RREB1: variants seen among roughly 807,000 people sequenced by gnomAD.
RREB1 encodes ras-responsive element-binding protein 1.
Under a neutral mutation model 117.8 loss-of-function variants are expected in RREB1, and 27 were observed. That is an observed-to-expected ratio of 0.23 (90% CI 0.17 to 0.32). RREB1 has a LOEUF of 0.32. RREB1 is among the 10% of genes least tolerant of loss of function. RREB1 has a pLI of 1.00. For synonymous variants in RREB1, 1,298 were observed against 1,026.7 expected, an observed-to-expected ratio of 1.26 and a Z score of -5.05; for missense variants, 2,577 against 2,378.2, an observed-to-expected ratio of 1.08 and a Z score of -1.74.
At position 7,227,552 on chromosome 6, in the gene RREB1, ATT is replaced by A. The variant is rs397936470; in HGVS notation, c.897+905_897+906del. Among the ~76,000 whole-genome samples the A allele has an allele frequency of 1.3e-3, 189 of 151,058 alleles. 2 individuals carry two copies. The highest frequency in any genetic ancestry group is 4.1e-3 in the African/African-American group (170 of 41,044). ...CGAGACTCCGTCTAAGAAAAAAAAA[ATT>A]TTTTTTTTAAATAAAATAAAAGTGG... is the stretch of plus-strand genomic sequence containing the variant. On this transcript the variant is annotated intron_variant, in intron 9 of 12. Transcript: ENST00000379938.
chr6:7,246,574 C>A lies in RREB1; in HGVS notation c.4124C>A (p.Ser1375Ter). Residue 1375 changes from serine (S) to a stop codon, truncating the protein, a stop_gained, in exon 12 of 13, where the codon TCG becomes TAG. Transcript: ENST00000379938. LOFTEE classifies it high-confidence loss of function. Reference sequence around the variant, plus strand: ...GAGCAGGCCACGGCGGAAACGGCCTCGCCGGTGCACCGGGAAGAGCACGGG... The same window carrying A: ...GAGCAGGCCACGGCGGAAACGGCCTAGCCGGTGCACCGGGAAGAGCACGGG... ...PVEQATAETA[S>*]PVHREEHGRG... is the part of the protein sequence containing the mutation. The A allele has an allele frequency of 6.5e-7, 1 of 1,550,358 alleles. No homozygotes were observed. The highest frequency in any genetic ancestry group is 8.7e-7 in the Non-Finnish European group (1 of 1,147,320).
intron 12 of RREB1, 127 bp from the exon 13 acceptor site, chr6:7,248,383 TG>T: frequency 1.4e-6 from 1 of 738,964 alleles, no homozygotes; most frequent in Non-Finnish European, 2.2e-6. Flanking sequence ...AAGAGGCCTC[TG>T]GCTGAGTAGG....
chr6:7,154,780 G>A (rs535024238), intron 1 of RREB1, among the ~76,000 whole-genome samples: 75 of 152,102 alleles, frequency 4.9e-4, no homozygotes, highest in Non-Finnish European at 5.7e-4. Flanking sequence ...TCATCTTTGG[G>A]TGGTTACCCA....
At position 7,221,046 on chromosome 6, in the gene RREB1, C is replaced by T. The variant is rs548395234; in HGVS notation, c.708-5421C>T. On this transcript the variant is annotated intron_variant, in intron 8 of 12. Transcript: ENST00000379938. ...TGGGGCCTTGGGAAGGCTGGATGAA[C>T]CCTCGCGTCTCCACCTGATAGGGCT... Among the ~76,000 whole-genome samples, 9 of 152,250 alleles carry T rather than the reference C, an allele frequency of 5.9e-5. No homozygotes were observed. The South Asian group carries it at 1.9e-3, about 32-fold the overall frequency.
intron 9 of RREB1, 105 bp downstream of exon 9, chr6:7,226,761 G>T (rs1346684016): frequency 2.2e-6 from 2 of 901,498 alleles, no homozygotes; most frequent in East Asian, 2.5e-5. Context: ...TTAAAATGTC[G>T]GTTGGGCTTT....
chr6:7,230,279 G>A lies in RREB1; in HGVS notation c.2180G>A (p.Arg727His), dbSNP rs200263205. 2 of 1,597,134 alleles carry A rather than the reference G, an allele frequency of 1.3e-6. No homozygotes were observed. Among genetic ancestry groups the A allele is most frequent in the Non-Finnish European group, 1.7e-6 (2 of 1,177,830 alleles). The change falls in exon 10 of 13, where the codon CGC (arginine) becomes CAC (histidine). Residue 727 changes from arginine (R) to histidine (H), a missense_variant. Arg to His is a conservative substitution (Grantham distance 29). Transcript: ENST00000379938. Reference protein sequence around the residue: ...HLRKKHLKATRKDIEKNIEYV... With the variant: ...HLRKKHLKATHKDIEKNIEYV... ...CGCAAGAAGCACCTCAAGGCCACCC[G>A]CAAGGATATCGAGAAGAACATCGAG...
rs1365948416 is a variant in RREB1, at chr6:7,230,178, C to T, written c.2079C>T (p.His693=). The change falls in exon 10 of 13, where the codon CAC becomes CAT. Residue 693 remains histidine (H), a synonymous_variant. Transcript: ENST00000379938. ...CGCTCATCCGCCACCTGCGCACGCA[C>T]AGTGGGGAGCGGCCCTACATTTGCA... The part of the protein sequence containing the change: ...KAALIRHLRT[H]SGERPYICKI... 1.2e-6 allele frequency: 2 copies of T among 1,606,862 alleles called. No homozygotes were observed. Among genetic ancestry groups the T allele is most frequent in the Non-Finnish European group, 8.5e-7 (1 of 1,179,912 alleles).
Position 7,250,327 on chromosome 6 carries a change from C to T in RREB1, c.*1359C>T, listed in dbSNP as rs541343900. ...AGATAAGAAATAGGTTTATATTTAC[C>T]TTCCTGCGATGTGGGGTTGGTGCTT... On this transcript the variant is annotated 3_prime_UTR_variant, in exon 13 of 13. Transcript: ENST00000379938. The T allele has an allele frequency of 6.6e-5, 10 of 152,262 alleles. No homozygotes were observed. The highest frequency in any genetic ancestry group is 1.9e-4 in the African/African-American group (8 of 41,538). The allele number at this position is 152,262 out of a possible 1,614,324, so 9.4% of individuals were successfully genotyped here. A position where few individuals can be genotyped will look rare whatever the true frequency, so the allele number is the denominator to read the frequency against.
Position 7,231,801 on chromosome 6 carries a change from C to A in RREB1, c.3702C>A (p.Ala1234=). 6.2e-7 allele frequency: 1 copy of A among 1,613,726 alleles called. No homozygotes were observed. The highest frequency in any genetic ancestry group is 8.5e-7 in the Non-Finnish European group (1 of 1,180,020). Residue 1234 remains alanine (A), a synonymous_variant, in exon 10 of 13, where the codon GCC becomes GCA. Coordinates refer to ENST00000379938, the MANE Select transcript of RREB1 (RefSeq NM_001003699.4). ...CCCCAGAAGACAAGCTGCTGAGGGC[C>A]AAGCGGAACTCGTACACCAACTGCC... ...GSPPEDKLLR[A]KRNSYTNCLQ... is the part of the protein sequence containing the mutation.
Position 7,248,954 on chromosome 6 carries a change from G to A in RREB1, c.5215G>A (p.Val1739Met), listed in dbSNP as rs764408301. 1.7e-5 allele frequency: 25 copies of A among 1,486,650 alleles called. No individual in the cohort carries two copies. Among genetic ancestry groups the A allele is most frequent in the Admixed American group, 6.8e-5 (3 of 43,858 alleles). 92.1% of individuals were successfully genotyped at this position (1,486,650 alleles called of 1,614,324 possible). A position where few individuals can be genotyped will look rare whatever the true frequency, so the allele number is the denominator to read the frequency against. Residue 1739 changes from valine to methionine, a missense_variant, in exon 13 of 13, where the codon GTG (valine) becomes ATG (methionine). Transcript: ENST00000379938. ...LATADGASQLVGME is the reference protein window; with the variant it reads ...LATADGASQLMGME The stretch of plus-strand genomic sequence containing the variant: ...CACAGCTGATGGCGCCTCCCAGCTC[G>A]TGGGGATGGAGTGACAGCCTCAGTC...
At chr6:7,212,247 A>T (rs1307657293) in intron 8 of RREB1, 1 of 152,502 alleles carries the variant, frequency 6.6e-6, no homozygotes, top group East Asian at 1.9e-4. Context: ...CCAAAAATGG[A>T]ACCTGATATG....
intron 1 of RREB1, among the ~76,000 whole-genome samples, chr6:7,140,187 A>G (rs981618217): frequency 6.6e-6 from 1 of 152,250 alleles, no homozygotes; most frequent in Non-Finnish European, 1.5e-5. Context: ...TACTGAAGCT[A>G]AAACATTTGT....
At chr6:7,197,549 C>T (rs1310150079) in intron 6 of RREB1, among the ~76,000 whole-genome samples, 1 of 152,152 alleles carries the variant, frequency 6.6e-6, no homozygotes, top group East Asian at 1.9e-4. Flanking sequence ...GCCAGATTAC[C>T]CATAATCCCA....
chr6:7,171,689 A>G (rs1764216372), intron 1 of RREB1, among the ~76,000 whole-genome samples: 1 of 152,120 alleles, frequency 6.6e-6, no homozygotes, highest in Non-Finnish European at 1.5e-5. Context: ...AGCCATGATG[A>G]AGTGTGATGG....
At position 7,231,032 on chromosome 6, in the gene RREB1, C is replaced by T. The variant is rs199498340; in HGVS notation, c.2933C>T (p.Ser978Phe). 20 of 1,614,082 alleles carry T rather than the reference C, an allele frequency of 1.2e-5. No individual in the cohort carries two copies. The highest frequency in any genetic ancestry group is 2.2e-5 in the East Asian group (1 of 44,854). The change falls in exon 10 of 13, where the codon TCT becomes TTT. Residue 978 changes from serine (S) to phenylalanine (F), a missense_variant. By Grantham distance (155) the Ser-to-Phe change is radical. Transcript: ENST00000379938. ...QPSPCPAPGP[S>F]LPVTLGPSGI... Reference sequence around the variant, plus strand: ...TCTCCCTGCCCAGCACCCGGCCCTTCTCTTCCTGTAACTTTGGGGCCCAGC... The same window carrying T: ...TCTCCCTGCCCAGCACCCGGCCCTTTTCTTCCTGTAACTTTGGGGCCCAGC...
At chr6:7,190,252 G>C (rs554847094) in intron 6 of RREB1, among the ~76,000 whole-genome samples, 2 of 152,194 alleles carry the variant, frequency 1.3e-5, no homozygotes, top group Middle Eastern at 6.8e-3. Context: ...TAACCTCTTT[G>C]TACTCCAGTT....
At chr6:7,160,319 T>A (rs1163942464) in intron 1 of RREB1, among the ~76,000 whole-genome samples, 1 of 152,126 alleles carries the variant, frequency 6.6e-6, no homozygotes, top group Non-Finnish European at 1.5e-5. Context: ...TTTTCAAAAA[T>A]TATGTTAAGT....
chr6:7,197,315 C>A (rs550321974), intron 6 of RREB1, among the ~76,000 whole-genome samples: 14 of 152,312 alleles, frequency 9.2e-5, no homozygotes, highest in African/African-American at 3.4e-4. Context: ...GCATGTCTTA[C>A]ATTTAAGGGC....
In RREB1 at chr6:7,175,616, C is replaced by T. The variant is rs142480196; in HGVS notation, c.-284-1039C>T. ...TTTTCTCCCAGTTTTGTGCTCTTCA[C>T]GTTAGCTGAGGGAGGCTGTGTTGAG... On this transcript the variant is annotated intron_variant, in intron 1 of 12. Coordinates refer to ENST00000379938, the MANE Select transcript of RREB1 (RefSeq NM_001003699.4). Among the ~76,000 whole-genome samples, 4 of 152,270 alleles carry T rather than the reference C, an allele frequency of 2.6e-5. No individual in the cohort carries two copies. The East Asian group carries it at 5.8e-4, about 22-fold the overall frequency.
Sources: gnomAD v4.1 joint callset for allele counts (sites outside exome capture counted in the v4.1 genomes callset) on GRCh38, gnomAD v4.1.1 for gene constraint, MANE v1.5 for transcripts, NCBI Gene and HGNC (gene_info 2026-07-23, HGNC 2026-07-21) for gene names.